ZFAND3: variants seen among roughly 807,000 people sequenced by gnomAD.
ZFAND3 encodes AN1-type zinc finger protein 3.
ZFAND3 carries 10 observed loss-of-function variants against 29.6 expected under a neutral mutation model. That is an observed-to-expected ratio of 0.34 (90% CI 0.21 to 0.57). The LOEUF is 0.57. Ranked by LOEUF, ZFAND3 falls within the 20% of genes least tolerant of loss-of-function variation. ZFAND3 has a pLI of 0.86. For synonymous variants in ZFAND3, 128 were observed against 112.6 expected (o/e 1.14, Z -0.87); for missense variants, 230 against 304.5 (o/e 0.76, Z 1.82).
chr6:38,144,202 T>TA (rs1292358299), intron 5 of ZFAND3, among the ~76,000 whole-genome samples: 1 of 41,204 alleles, frequency 2.4e-5, no homozygotes, highest in Admixed American at 1.9e-4. Flanking sequence ...TATATATATA[T>TA]ATATATATAA....
At chr6:38,108,629 T>C (rs566000190) in intron 4 of ZFAND3, among the ~76,000 whole-genome samples, 2 of 152,166 alleles carry the variant, frequency 1.3e-5, no homozygotes, top group Non-Finnish European at 2.9e-5. Flanking sequence ...CAAACAGACT[T>C]ATCCCACCTT....
intron 5 of ZFAND3, among the ~76,000 whole-genome samples, chr6:38,148,092 T>C (rs577558091): frequency 6.6e-6 from 1 of 152,308 alleles, no homozygotes; most frequent in Admixed American, 6.5e-5. Flanking sequence ...CAGTTTCAGG[T>C]CTTGAGTTGA....
At chr6:37,914,497 C>T (rs985172737) in intron 1 of ZFAND3, among the ~76,000 whole-genome samples, 1 of 151,582 alleles carries the variant, frequency 6.6e-6, no homozygotes. Flanking sequence ...CACCACCACA[C>T]CTGGCTGATT....
At chr6:37,889,132 A>G (rs780662111) in intron 1 of ZFAND3, among the ~76,000 whole-genome samples, 6 of 152,220 alleles carry the variant, frequency 3.9e-5, no homozygotes, top group Non-Finnish European at 7.3e-5. Flanking sequence ...TCCATTACGT[A>G]GTTAAAAAAT....
intron 2 of ZFAND3, among the ~76,000 whole-genome samples, chr6:38,060,778 C>T (rs1038250778): frequency 4.7e-5 from 7 of 149,692 alleles, no homozygotes; most frequent in Admixed American, 3.3e-4. Context: ...TTGCCAGGTA[C>T]ATTTTTTTTT....
intron 2 of ZFAND3, among the ~76,000 whole-genome samples, chr6:38,043,766 T>C (rs1321144804): frequency 6.6e-6 from 1 of 151,970 alleles, no homozygotes; most frequent in African/African-American, 2.4e-5. Context: ...TGCAGGCTCA[T>C]GTCACCACAC....
intron 2 of ZFAND3, among the ~76,000 whole-genome samples, chr6:38,044,322 A>T (rs1364743433): frequency 6.6e-6 from 1 of 152,182 alleles, no homozygotes. Context: ...TATTTAATTT[A>T]AAAAACATAT....
chr6:37,837,360 T>C (rs1212889812), intron 1 of ZFAND3, among the ~76,000 whole-genome samples: 1 of 152,204 alleles, frequency 6.6e-6, no homozygotes. Flanking sequence ...AAAAATCTTA[T>C]TTTGCTGTGT....
chr6:37,860,809 T>C (rs953348340), intron 1 of ZFAND3, among the ~76,000 whole-genome samples: 1 of 152,120 alleles, frequency 6.6e-6, no homozygotes, highest in Non-Finnish European at 1.5e-5. Context: ...TTTATTCATT[T>C]ATGGGATGTG....
intron 2 of ZFAND3, among the ~76,000 whole-genome samples, chr6:37,950,483 T>G (rs1373961031): frequency 6.6e-6 from 1 of 151,962 alleles, no homozygotes; most frequent in African/African-American, 2.4e-5. Flanking sequence ...GTTCAAGAGA[T>G]TCTCCTGCCT....
At chr6:37,938,921 A>C (rs1438202899) in intron 2 of ZFAND3, among the ~76,000 whole-genome samples, 1 of 152,166 alleles carries the variant, frequency 6.6e-6, no homozygotes, top group Non-Finnish European at 1.5e-5. Flanking sequence ...GGGAAAATGG[A>C]AGAAATTTAG....
chr6:37,865,127 G>A (rs763984816), intron 1 of ZFAND3, among the ~76,000 whole-genome samples: 5 of 152,122 alleles, frequency 3.3e-5, no homozygotes, highest in African/African-American at 7.2e-5. Context: ...TCAGTGCGCC[G>A]ATAGCGTGCC....
intron 2 of ZFAND3, among the ~76,000 whole-genome samples, chr6:37,991,037 C>T (rs914752782): frequency 6.6e-6 from 1 of 152,176 alleles, no homozygotes; most frequent in Admixed American, 6.5e-5. Context: ...CTAAGGATGT[C>T]ATGTCACTTA....
intron 2 of ZFAND3, among the ~76,000 whole-genome samples, chr6:37,932,277 A>G (rs571678129): frequency 2.0e-5 from 3 of 152,052 alleles, no homozygotes; most frequent in East Asian, 3.9e-4. Flanking sequence ...AAAAAAATAA[A>G]TAAATAAAAG....
At chr6:37,974,369 A>G (rs1762440935) in intron 2 of ZFAND3, among the ~76,000 whole-genome samples, 1 of 149,428 alleles carries the variant, frequency 6.7e-6, no homozygotes, top group African/African-American at 2.5e-5. Context: ...CTGGCCTGAA[A>G]TCATGCATTA....
At chr6:37,914,668 TTTTC>T (rs1203195784) in intron 1 of ZFAND3, among the ~76,000 whole-genome samples, 6 of 110,990 alleles carry the variant, frequency 5.4e-5, no homozygotes, top group African/African-American at 1.2e-4. Flanking sequence ...CTTTCTTTTT[TTTTC>T]TTTTTTTTTT....
intron 1 of ZFAND3, among the ~76,000 whole-genome samples, chr6:37,896,798 T>C (rs561457809): frequency 1.3e-5 from 2 of 151,952 alleles, no homozygotes; most frequent in African/African-American, 2.4e-5. Context: ...CCTGCTGTGT[T>C]TAAGATGGAT....
intron 2 of ZFAND3, among the ~76,000 whole-genome samples, chr6:37,947,072 C>T (rs995443467): frequency 2.6e-5 from 4 of 152,136 alleles, no homozygotes; most frequent in Non-Finnish European, 5.9e-5. Flanking sequence ...GTTATGTGCA[C>T]CTAACCCCAG....
chr6:38,114,504 A>G (rs150601210), intron 4 of ZFAND3, among the ~76,000 whole-genome samples: 107 of 152,334 alleles, frequency 7.0e-4, no homozygotes, highest in African/African-American at 2.5e-3. Flanking sequence ...GTCCTTATTT[A>G]GTTGGTTTGT....
Sources: allele counts gnomAD v4.1 joint callset (sites outside exome capture counted in the v4.1 genomes callset), GRCh38; gene constraint gnomAD v4.1.1; transcripts MANE v1.5; gene names NCBI Gene and HGNC (gene_info 2026-07-23, HGNC 2026-07-21).